Variants in POLA1 observed in about 807,000 individuals in gnomAD.
POLA1 encodes DNA polymerase alpha 1, catalytic subunit.
A neutral mutation model predicts 124.0 loss-of-function variants in POLA1; 15 were observed. The ratio of observed to expected loss-of-function variants is 0.12; its 90% CI spans 0.08 to 0.19. POLA1 has a LOEUF of 0.19. Among genes scored for constraint, POLA1 ranks in the 10% least tolerant of loss-of-function variants. The probability of loss-of-function intolerance (pLI) is 1.00; values close to 1 mark genes in which losing one functional copy is unlikely to be tolerated. For missense variants in POLA1, 886 were observed against 1,103.4 expected (o/e 0.80, Z 2.79); for synonymous variants, 408 against 389.4 (o/e 1.05, Z -0.56).
intron 27 of POLA1, among the ~76,000 whole-genome samples, chrX:24,810,474 ACT>A (rs1446252062): frequency 8.2e-5 from 9 of 109,584 alleles, no homozygotes; most frequent in Non-Finnish European, 1.3e-4. Flanking sequence ...CTTCCACTCC[ACT>A]CTCTATTTTA....
intron 32 of POLA1, among the ~76,000 whole-genome samples, chrX:24,838,718 A>AT (rs1285446013): frequency 8.9e-6 from 1 of 112,408 alleles, no homozygotes; most frequent in Non-Finnish European, 1.9e-5. Flanking sequence ...CTTTAATGTC[A>AT]TTTTTGACAG....
intron 26 of POLA1, among the ~76,000 whole-genome samples, chrX:24,809,573 C>CT (rs1220439474): frequency 9.0e-6 from 1 of 111,355 alleles, no homozygotes; most frequent in Non-Finnish European, 1.9e-5. Context: ...CTTTGTTAAG[C>CT]TTTTTTTAGG....
chrX:24,809,826 C>G (rs894481750), intron 26 of POLA1, 72 bp from the exon 27 acceptor site: 11 of 601,270 alleles, frequency 1.8e-5, no homozygotes, highest in Non-Finnish European at 2.8e-5. Context: ...TGAAAGTTAC[C>G]TATCTCTATG....
intron 20 of POLA1, among the ~76,000 whole-genome samples, chrX:24,741,144 T>TGC (rs1413459685): frequency 9.5e-5 from 8 of 84,596 alleles, no homozygotes; most frequent in Non-Finnish European, 1.5e-4. Context: ...TGTGTGTGTG[T>TGC]GTGCGCGCGT....
At chrX:24,830,596 T>G (rs754057684) in intron 32 of POLA1, among the ~76,000 whole-genome samples, 144 of 111,934 alleles carry the variant, frequency 1.3e-3, no homozygotes, top group Non-Finnish European at 2.3e-3. Context: ...TCTTATACAA[T>G]AGCCCTATGG....
chrX:24,951,039 A>G (rs1338725056), intron 36 of POLA1, among the ~76,000 whole-genome samples: 1 of 111,690 alleles, frequency 9.0e-6, no homozygotes, highest in Non-Finnish European at 1.9e-5. Flanking sequence ...AAAATTGGTG[A>G]AATATGGTTT....
chrX:24,854,370 T>C (rs2046612753), intron 34 of POLA1, among the ~76,000 whole-genome samples: 1 of 111,842 alleles, frequency 8.9e-6, no homozygotes, highest in Admixed American at 9.4e-5. Flanking sequence ...ACTACTTTGA[T>C]TGATGCTAAT....
At chrX:24,971,134 A>G (rs2048297037) in intron 36 of POLA1, among the ~76,000 whole-genome samples, 1 of 112,635 alleles carries the variant, frequency 8.9e-6, no homozygotes, top group African/African-American at 3.2e-5. Context: ...TGTGATTTCA[A>G]TACATGTCTT....
At chrX:24,861,600 C>G (rs908372086) in intron 34 of POLA1, among the ~76,000 whole-genome samples, 2 of 112,551 alleles carry the variant, frequency 1.8e-5, no homozygotes, top group African/African-American at 3.2e-5. Context: ...AGTTAGATAT[C>G]CATCACGATG....
At chrX:24,916,156 C>T (rs748370561) in intron 35 of POLA1, among the ~76,000 whole-genome samples, 1 of 111,906 alleles carries the variant, frequency 8.9e-6, no homozygotes, top group Admixed American at 9.4e-5. Context: ...ATCCTTGAAC[C>T]TTCTGTTCAA....
chrX:24,914,360 C>G (rs750235229), intron 35 of POLA1, among the ~76,000 whole-genome samples: 4 of 111,214 alleles, frequency 3.6e-5, no homozygotes, highest in African/African-American at 1.3e-4. Flanking sequence ...AACTGCCACA[C>G]TGAAGACAAG....
intron 36 of POLA1, among the ~76,000 whole-genome samples, chrX:24,960,194 A>G: frequency 8.9e-6 from 1 of 111,888 alleles, no homozygotes; most frequent in Middle Eastern, 4.6e-3. Context: ...CAAATATTTC[A>G]ATAGTTGTTA....
At chrX:24,765,060 T>G (rs1156448431) in intron 26 of POLA1, among the ~76,000 whole-genome samples, 1 of 111,257 alleles carries the variant, frequency 9.0e-6, no homozygotes, top group Non-Finnish European at 1.9e-5. Flanking sequence ...CTCATTTTTG[T>G]GCCTCCTACC....
chrX:24,900,762 G>A (rs2047267831), intron 35 of POLA1, among the ~76,000 whole-genome samples: 1 of 111,582 alleles, frequency 9.0e-6, no homozygotes, highest in African/African-American at 3.3e-5. Context: ...AGTCCTGAAG[G>A]CTTTGCAGAG....
intron 26 of POLA1, among the ~76,000 whole-genome samples, chrX:24,761,553 A>G (rs986277615): frequency 9.0e-6 from 1 of 111,533 alleles, no homozygotes; most frequent in Non-Finnish European, 1.9e-5. Flanking sequence ...TTGAGGCCAC[A>G]TGTAACATTT....
chrX:24,939,409 C>CTT (rs2147228072), intron 36 of POLA1, among the ~76,000 whole-genome samples: 1 of 112,159 alleles, frequency 8.9e-6, no homozygotes, highest in East Asian at 2.8e-4. Context: ...ATGTATTGTG[C>CTT]TTACACAGTA....
chrX:24,838,791 C>T (rs2046373733), intron 32 of POLA1, among the ~76,000 whole-genome samples: 1 of 112,398 alleles, frequency 8.9e-6, no homozygotes, highest in African/African-American at 3.2e-5. Context: ...CTGTTTTGCA[C>T]ATTTTAAAAT....
rs957622029 is a variant in POLA1, at chrX:24,855,690, G to A, written c.4047+12013G>A. 9.0e-5 allele frequency among the ~76,000 whole-genome samples: 10 copies of A among 111,719 alleles called. No individual in the cohort carries two copies. The East Asian group carries it at 2.8e-3, about 31-fold the overall frequency. ...TCATTTCGTCCTTCCAGTGGGTCAT[G>A]AAGACAGAGAACTTCAACGCCATGA... On this transcript the variant is annotated intron_variant, in intron 34 of 36. Transcript: ENST00000379068.
intron 36 of POLA1, among the ~76,000 whole-genome samples, chrX:24,958,043 C>G (rs2048126438): frequency 9.1e-6 from 1 of 110,222 alleles, no homozygotes. Flanking sequence ...AACCTCTAGC[C>G]TCAGCTGTAT....
Sources: allele counts gnomAD v4.1 joint callset (sites outside exome capture counted in the v4.1 genomes callset), GRCh38; gene constraint gnomAD v4.1.1; transcripts MANE v1.5; gene names NCBI Gene and HGNC (gene_info 2026-07-23, HGNC 2026-07-21).